PDZD2: variants seen among roughly 807,000 people sequenced by gnomAD.
PDZD2 encodes the protein PDZ domain containing 2.
PDZD2 carries 90 observed loss-of-function variants against 220.7 expected under a neutral mutation model. The observed-to-expected ratio is 0.41, with a 90% CI of 0.34 to 0.49. PDZD2 has a LOEUF of 0.49. PDZD2 is among the 20% of genes least tolerant of loss of function. PDZD2 has a pLI of 0.28. For synonymous variants in PDZD2, 1,375 were observed against 1,450.5 expected, an observed-to-expected ratio of 0.95 and a Z score of 1.18; for missense variants, 3,174 against 3,608.5, an observed-to-expected ratio of 0.88 and a Z score of 3.08.
chr5:32,098,615 C>A lies in PDZD2; in HGVS notation c.8199C>A (p.Ile2733=). 6.2e-7 allele frequency: 1 copy of A among 1,613,502 alleles called. No homozygotes were observed. Among genetic ancestry groups the A allele is most frequent in the Non-Finnish European group, 8.5e-7 (1 of 1,179,658 alleles). Residue 2733 remains isoleucine (I), a synonymous_variant, in exon 23 of 25, where the codon ATC becomes ATA. Transcript: ENST00000438447. This position sits in a 1 kb window ranked among gnomAD's most constrained non-coding sequence, Gnocchi z 4.1. ...NGKGLLSRKT[I]PLEPGIGRSV... ...AGGGTTTGCTGTCCAGAAAGACCATCCCCCTGGAGCCTGGCATTGGTAAGA... is the reference window on the plus strand; with the variant it reads ...AGGGTTTGCTGTCCAGAAAGACCATACCCCTGGAGCCTGGCATTGGTAAGA...
chr5:32,001,974 A>G (rs1313970332), intron 5 of PDZD2, among the ~76,000 whole-genome samples: 1 of 152,198 alleles, frequency 6.6e-6, no homozygotes, highest in East Asian at 1.9e-4. Flanking sequence ...AGCCCTGTGC[A>G]GCATGACGCT....
Position 31,813,304 on chromosome 5 carries a change from G to T in PDZD2, c.476+13580G>T, listed in dbSNP as rs530853041. ...TCTCTACTAAAAATACAAAAAATTA[G>T]CCGGGCATGGTGGCAGGCGTCTATA... is the stretch of plus-strand genomic sequence containing the variant. On this transcript the variant is annotated intron_variant, in intron 2 of 24. Coordinates refer to ENST00000438447, the MANE Select transcript of PDZD2 (RefSeq NM_178140.4). Among the ~76,000 whole-genome samples the T allele has an allele frequency of 9.2e-5, 14 of 152,134 alleles. No homozygotes were observed. The East Asian group carries it at 2.7e-3, about 30-fold the overall frequency.
chr5:31,989,423 T>TTTTTTTTTTTTTTTATTTTTTTTA (rs1751014568), intron 3 of PDZD2, among the ~76,000 whole-genome samples: 2 of 134,704 alleles, frequency 1.5e-5, no homozygotes, highest in African/African-American at 6.7e-5. Flanking sequence ...TTTCTTTTCT[T>TTTTTTTTTTTTTTTATTTTTTTTA]TTTTTTTTTT....
chr5:32,057,257 C>T (rs1399664505), intron 10 of PDZD2, among the ~76,000 whole-genome samples: 1 of 152,162 alleles, frequency 6.6e-6, no homozygotes, highest in Non-Finnish European at 1.5e-5. Context: ...ATAGGAGTGA[C>T]TTCTCAAATG....
chr5:32,033,554 T>C (rs1158663477), intron 6 of PDZD2, among the ~76,000 whole-genome samples: 2 of 152,102 alleles, frequency 1.3e-5, no homozygotes, highest in Non-Finnish European at 2.9e-5. Context: ...TGCAACTCTT[T>C]GAGATATCTC....
chr5:31,931,696 A>C (rs774044189), intron 2 of PDZD2, among the ~76,000 whole-genome samples: 5 of 152,186 alleles, frequency 3.3e-5, no homozygotes, highest in African/African-American at 4.8e-5. Flanking sequence ...AATGAGACTG[A>C]AAAGGGGGCC....
Position 32,087,723 on chromosome 5 carries a change from G to T in PDZD2, c.4275G>T (p.Thr1425=), listed in dbSNP as rs145909412. The change falls in exon 20 of 25, where the codon ACG becomes ACT. Residue 1425 remains threonine (T), a synonymous_variant. Coordinates refer to ENST00000438447, the MANE Select transcript of PDZD2 (RefSeq NM_178140.4). The surrounding 1 kb of genome is among the most constrained non-coding windows in gnomAD (Gnocchi z 4.0). ...CPGGSRESPV[T]DIDSFIKELD... ...GGGGGAGTAGAGAGAGCCCTGTGAC[G>T]GACATTGACAGCTTCATCAAGGAGC... is the stretch of plus-strand genomic sequence containing the variant. 1.9e-6 allele frequency: 3 copies of T among 1,614,022 alleles called. No homozygotes were observed. In the South Asian group the frequency reaches 3.3e-5, roughly 18 times the overall value.
intron 6 of PDZD2, among the ~76,000 whole-genome samples, chr5:32,034,343 A>G (rs1755360022): frequency 6.6e-6 from 1 of 151,358 alleles, no homozygotes; most frequent in Admixed American, 6.6e-5. Context: ...TATTATCAGA[A>G]GGAACCAGGA....
At chr5:31,650,489 C>T (rs1461932027) in intron 1 of PDZD2, among the ~76,000 whole-genome samples, 1 of 152,124 alleles carries the variant, frequency 6.6e-6, no homozygotes, top group East Asian at 1.9e-4. Context: ...CGCTCATAAA[C>T]CCAGGACACA....
At chr5:31,967,829 T>G (rs1363176746) in intron 2 of PDZD2, among the ~76,000 whole-genome samples, 1 of 152,094 alleles carries the variant, frequency 6.6e-6, no homozygotes, top group Admixed American at 6.5e-5. Context: ...GAAATACATG[T>G]TTTTGGCTGG....
At chr5:32,011,023 C>A (rs10058526) in intron 6 of PDZD2, among the ~76,000 whole-genome samples, 107,011 of 120,028 alleles carry the variant, frequency 0.89, 48,157 homozygotes, top group Non-Finnish European at 0.94. Flanking sequence ...AAAAAAAAAA[C>A]AACAACAACA....
In PDZD2 at chr5:31,995,714, C is replaced by A; in HGVS notation, c.1117C>A (p.His373Asn). The A allele has an allele frequency of 6.2e-7, 1 of 1,613,448 alleles. No homozygotes were observed. Among genetic ancestry groups the A allele is most frequent in the South Asian group, 1.1e-5 (1 of 90,972 alleles). The change falls in exon 4 of 25, where the codon CAC becomes AAC. Residue 373 changes from histidine to asparagine, a missense_variant. By Grantham distance (68) the His-to-Asn change is moderately conservative. Around this residue, in one of 4 missense-constraint regions of PDZD2, gnomAD observed 632 missense variants for 708.1 expected, o/e 0.89. Coordinates refer to ENST00000438447, the MANE Select transcript of PDZD2 (RefSeq NM_178140.4). ...VTQVKEGGAA[H>N]RDGRLSLGDE... is the part of the protein sequence containing the mutation. ...TCAAGTGAAGGAAGGAGGTGCCGCT[C>A]ACAGGTGACTAGATAACTCTCCCCT...
chr5:32,007,208 G>A (rs533592493), intron 5 of PDZD2, among the ~76,000 whole-genome samples: 8 of 150,526 alleles, frequency 5.3e-5, no homozygotes, highest in Non-Finnish European at 1.0e-4. Flanking sequence ...TTGAGCCACC[G>A]CGCCCGGCCT....
At chr5:31,766,955 T>C (rs1752058858) in intron 1 of PDZD2, among the ~76,000 whole-genome samples, 1 of 150,940 alleles carries the variant, frequency 6.6e-6, no homozygotes, top group African/African-American at 2.4e-5. Context: ...CTCCAACTCC[T>C]GACCTCAGGT....
chr5:31,700,529 A>G (rs1747566176), intron 1 of PDZD2, among the ~76,000 whole-genome samples: 2 of 152,010 alleles, frequency 1.3e-5, no homozygotes, highest in South Asian at 4.2e-4. Context: ...CCTTGTGTGC[A>G]GTTTGTTCAG....
chr5:32,041,953 C>T (rs535927409), intron 7 of PDZD2, among the ~76,000 whole-genome samples: 15 of 148,518 alleles, frequency 1.0e-4, no homozygotes, highest in East Asian at 2.0e-4. Context: ...CGGTGGCTCA[C>T]GCCTGTAATC....
rs1032701524 is a variant in PDZD2, at chr5:31,903,200, G to A, written c.477-79955G>A. ...TCCCGTCTACTTGGGAGGCTGAGGC[G>A]GGAAAATCGCTTGAACCCGGGAGGC... is the stretch of plus-strand genomic sequence containing the variant. On this transcript the variant is annotated intron_variant, in intron 2 of 24. Coordinates refer to ENST00000438447, the MANE Select transcript of PDZD2 (RefSeq NM_178140.4). 2.0e-4 allele frequency among the ~76,000 whole-genome samples: 30 copies of A among 151,092 alleles called. 1 individual carries two copies. The South Asian group carries it at 6.1e-3, about 31-fold the overall frequency.
chr5:32,097,203 C>A, intron 21 of PDZD2, 76 bp from the exon 22 acceptor site: 2 of 925,800 alleles, frequency 2.2e-6, no homozygotes, highest in Non-Finnish European at 1.8e-6. Context: ...TTACTCCTGG[C>A]CCAAGGGGAT....
chr5:31,743,604 G>A (rs548803540), intron 1 of PDZD2, among the ~76,000 whole-genome samples: 94 of 152,130 alleles, frequency 6.2e-4, no homozygotes, highest in Non-Finnish European at 1.1e-3. Flanking sequence ...TTAAATCATC[G>A]CTAGAAATAG....
Sources: allele counts gnomAD v4.1 joint callset (sites outside exome capture counted in the v4.1 genomes callset), GRCh38; gene constraint gnomAD v4.1.1; regional missense constraint gnomAD v4.1.1; non-coding constraint Gnocchi (gnomAD v3.1); transcripts MANE v1.5; gene names NCBI Gene and HGNC (gene_info 2026-07-23, HGNC 2026-07-21).